Variants in LPAR6 observed in about 807,000 individuals in gnomAD.
LPAR6 encodes G-protein coupled purinergic receptor P2Y5.
Under a neutral mutation model 22.0 loss-of-function variants are expected in LPAR6, and 17 were observed. That is an observed-to-expected ratio of 0.77 (90% CI 0.53 to 1.16). The LOEUF is 1.16. Among genes scored for constraint, LPAR6 ranks in the 50% most tolerant of loss-of-function variants. The pLI is 0.00. For synonymous variants in LPAR6, 136 were observed against 139.8 expected, an observed-to-expected ratio of 0.97 and a Z score of 0.19; for missense variants, 384 against 406.9, an observed-to-expected ratio of 0.94 and a Z score of 0.48.
At chr13:48,402,413 G>A (rs185416304) in intron 1 of LPAR6, among the ~76,000 whole-genome samples, 39 of 109,322 alleles carry the variant, frequency 3.6e-4, no homozygotes, top group Admixed American at 6.2e-4. Context: ...GTCTCACTCT[G>A]TTTTCCCAGG....
intron 1 of LPAR6, among the ~76,000 whole-genome samples, chr13:48,435,537 A>G (rs2138290476): frequency 1.3e-5 from 2 of 152,216 alleles, no homozygotes; most frequent in African/African-American, 4.8e-5. Context: ...CATCTTCTTC[A>G]CATCATGTTT....
chr13:48,412,220 A>G lies in LPAR6; in HGVS notation c.204T>C (p.Phe68=). 6.2e-7 allele frequency: 1 copy of G among 1,614,018 alleles called. No homozygotes were observed. The highest frequency in any genetic ancestry group is 2.2e-5 in the East Asian group (1 of 44,828). The part of the protein sequence containing the change: ...NLAMSDLLFV[F]TLPFRIFYFT... ...AGTAAAAAATCCTGAAGGGTAAAGT[A>G]AAAACAAAAAGCAAGTCTGACATTG... is the stretch of plus-strand genomic sequence containing the variant. Residue 68 remains phenylalanine, a synonymous_variant, in exon 1 of 1, where the codon TTT becomes TTC. Coordinates refer to ENST00000620633, the MANE Select transcript of LPAR6 (RefSeq NM_001162498.3).
chr13:48,398,941 G>A (rs1260156264), intron 1 of LPAR6, among the ~76,000 whole-genome samples: 2 of 152,084 alleles, frequency 1.3e-5, no homozygotes, highest in East Asian at 3.8e-4. Flanking sequence ...TTTGTGCAGT[G>A]CACTGTGACT....
intron 1 of LPAR6, among the ~76,000 whole-genome samples, chr13:48,402,180 A>AT (rs1350490842): frequency 6.6e-6 from 1 of 151,960 alleles, no homozygotes; most frequent in African/African-American, 2.4e-5. Context: ...TGAAAATATA[A>AT]TTTTTTTGCA....
intron 1 of LPAR6, among the ~76,000 whole-genome samples, chr13:48,397,756 C>T (rs1948660096): frequency 6.6e-6 from 1 of 151,968 alleles, no homozygotes; most frequent in Admixed American, 6.6e-5. Context: ...GTTTTAGAGT[C>T]CTGATTCATT....
At chr13:48,437,567 A>G (rs975904662) in intron 1 of LPAR6, among the ~76,000 whole-genome samples, 1 of 152,156 alleles carries the variant, frequency 6.6e-6, no homozygotes, top group East Asian at 1.9e-4. Flanking sequence ...GGGATTGGAG[A>G]GTCTACTTCC....
chr13:48,394,133 C>G (rs1033640945), intron 1 of LPAR6, among the ~76,000 whole-genome samples: 1 of 152,134 alleles, frequency 6.6e-6, no homozygotes, highest in Non-Finnish European at 1.5e-5. Flanking sequence ...ATCACCTCAC[C>G]CGGGAAGCAC....
chr13:48,423,714 G>T (rs1357842030), intron 1 of LPAR6, among the ~76,000 whole-genome samples: 1 of 152,196 alleles, frequency 6.6e-6, no homozygotes, highest in African/African-American at 2.4e-5. Context: ...GAGAGAGTAT[G>T]TGAGACTTAA....
At chr13:48,396,661 C>T (rs1274533752) in intron 1 of LPAR6, among the ~76,000 whole-genome samples, 1 of 152,140 alleles carries the variant, frequency 6.6e-6, no homozygotes, top group Non-Finnish European at 1.5e-5. Flanking sequence ...TCTAATTAAA[C>T]TAAAGAGCTT....
chr13:48,423,932 G>T (rs575062011), intron 1 of LPAR6: 2 of 152,196 alleles, frequency 1.3e-5, no homozygotes, highest in Non-Finnish European at 2.9e-5. Context: ...CTTGAAGAAA[G>T]AAAGAAAAAA....
upstream of LPAR6, among the ~76,000 whole-genome samples, chr13:48,431,075 T>C (rs780098574): frequency 1.4e-4 from 21 of 152,182 alleles, no homozygotes; most frequent in African/African-American, 3.9e-4. Context: ...ATGAATCATA[T>C]GAGTTATAAC....
intron 1 of LPAR6, among the ~76,000 whole-genome samples, chr13:48,434,882 G>A (rs1010934215): frequency 6.6e-6 from 1 of 152,102 alleles, no homozygotes; most frequent in Non-Finnish European, 1.5e-5. Flanking sequence ...TCACGATATT[G>A]CATGTATCAA....
chr13:48,391,853 G>A lies in LPAR6; in HGVS notation n.115-2041C>T, dbSNP rs149313609. On this transcript the variant is annotated intron_variant and non_coding_transcript_variant, in intron 1 of 1. Transcript: ENST00000462781. ...AGGCTGGTCTCGAACTCCTGACCTC[G>A]TGATTTGCCTGCCTCGGCCTCCTCC... Among the ~76,000 whole-genome samples the A allele has an allele frequency of 8.6e-3, 1,304 of 151,682 alleles. 17 individuals carry two copies. Among genetic ancestry groups the A allele is most frequent in the African/African-American group, 0.023 (944 of 41,388 alleles).
At chr13:48,423,278 T>C (rs919400557) in intron 1 of LPAR6, among the ~76,000 whole-genome samples, 2 of 152,208 alleles carry the variant, frequency 1.3e-5, no homozygotes, top group African/African-American at 4.8e-5. Flanking sequence ...TTTTTGTTTT[T>C]GTTTTTGTGT....
At chr13:48,424,978 T>C (rs1233174305) in intron 1 of LPAR6, among the ~76,000 whole-genome samples, 1 of 151,762 alleles carries the variant, frequency 6.6e-6, no homozygotes, top group Non-Finnish European at 1.5e-5. Flanking sequence ...CACTTGAACC[T>C]GGGAAGCAGA....
intron 1 of LPAR6, among the ~76,000 whole-genome samples, chr13:48,398,217 CATTTT>C (rs955677125): frequency 2.6e-5 from 4 of 151,132 alleles, no homozygotes; most frequent in Non-Finnish European, 4.4e-5. Context: ...AAAGAGGAAA[CATTTT>C]ATTTTAATTT....
chr13:48,390,433 C>T (rs1319244170), intron 1 of LPAR6, among the ~76,000 whole-genome samples: 2 of 152,010 alleles, frequency 1.3e-5, no homozygotes, highest in Admixed American at 1.3e-4. Flanking sequence ...CCAGAAAGTA[C>T]AGTGAGCAAG....
upstream of LPAR6, among the ~76,000 whole-genome samples, chr13:48,414,941 G>A (rs1314761259): frequency 6.6e-6 from 1 of 151,988 alleles, no homozygotes; most frequent in Non-Finnish European, 1.5e-5. Flanking sequence ...TGGTTAATAA[G>A]CTTGTATTCT....
chr13:48,410,399 G>T (rs1381281654), downstream of LPAR6, among the ~76,000 whole-genome samples: 1 of 152,134 alleles, frequency 6.6e-6, no homozygotes, highest in Non-Finnish European at 1.5e-5. Flanking sequence ...GTGTGTAATA[G>T]TGTATACCTT....
Sources: gnomAD v4.1 joint callset for allele counts (sites outside exome capture counted in the v4.1 genomes callset) on GRCh38, gnomAD v4.1.1 for gene constraint, MANE v1.5 for transcripts, NCBI Gene and HGNC (gene_info 2026-07-23, HGNC 2026-07-21) for gene names.